The following FBXL17 variants were observed in gnomAD, a reference collection of about 807,000 sequenced individuals.
The protein encoded by FBXL17 is F-box/LRR-repeat protein 17.
FBXL17 carries 22 observed loss-of-function variants against 66.2 expected under a neutral mutation model. The observed-to-expected ratio is 0.33, with a 90% confidence interval of 0.24 to 0.47. FBXL17 has a LOEUF of 0.47. Among genes scored for constraint, FBXL17 ranks in the 20% least tolerant of loss-of-function variants. FBXL17 has a pLI of 1.00. For synonymous variants in FBXL17, 474 were observed against 400.5 expected (o/e 1.18, Z -2.19); for missense variants, 878 against 948.2 (o/e 0.93, Z 0.97).
Position 108,205,822 on chromosome 5 carries a change from C to T in FBXL17, c.1614+18299G>A, listed in dbSNP as rs115423020. On this transcript the variant is annotated intron_variant, in intron 5 of 8. Coordinates refer to ENST00000542267, the MANE Select transcript of FBXL17 (RefSeq NM_001163315.3). The stretch of plus-strand genomic sequence containing the variant: ...TCAGCTCACTGCAACTTCTGCCTCC[C>T]GGTCCCGGGTTTCAAGCAATTCTTG... Among the ~76,000 whole-genome samples, 1,046 of 152,174 alleles carry T rather than the reference C, an allele frequency of 6.9e-3. 4 individuals are homozygous for T. Among genetic ancestry groups the T allele is most frequent in the Non-Finnish European group, 0.01 (711 of 67,996 alleles).
chr5:108,098,980 A>T (rs1380722944), intron 6 of FBXL17, among the ~76,000 whole-genome samples: 3 of 152,196 alleles, frequency 2.0e-5, no homozygotes, highest in Non-Finnish European at 4.4e-5. Context: ...GCTATATTCA[A>T]GAAAATACTA....
At chr5:107,919,156 GACTA>G (rs1179283314) in intron 7 of FBXL17, among the ~76,000 whole-genome samples, 3 of 152,160 alleles carry the variant, frequency 2.0e-5, no homozygotes, top group Non-Finnish European at 4.4e-5. Flanking sequence ...GCAGGGTCCT[GACTA>G]ACTAAAGATT....
intron 6 of FBXL17, among the ~76,000 whole-genome samples, chr5:108,105,215 GA>G (rs1580447412): frequency 6.6e-6 from 1 of 152,202 alleles, no homozygotes; most frequent in African/African-American, 2.4e-5. Flanking sequence ...AATGAATGAA[GA>G]AAGAGAAGAG....
At chr5:108,334,638 T>G (rs1387570373) in intron 4 of FBXL17, among the ~76,000 whole-genome samples, 1 of 152,238 alleles carries the variant, frequency 6.6e-6, no homozygotes, top group Non-Finnish European at 1.5e-5. Context: ...GTATCTTTTA[T>G]TTTCGCTTCT....
chr5:107,868,318 G>T lies in FBXL17; in HGVS notation c.1966-6458C>A, dbSNP rs375239935. On this transcript the variant is annotated intron_variant, in intron 8 of 8. Transcript: ENST00000542267. The stretch of plus-strand genomic sequence containing the variant: ...TCGTTTTTTTACTGAACATAAAAGA[G>T]ATTGCAGTTTGCATATAAATACATT... Among the ~76,000 whole-genome samples the T allele has an allele frequency of 2.0e-5, 3 of 152,344 alleles. No homozygotes were observed. In the South Asian group the frequency reaches 6.2e-4, roughly 32 times the overall value.
At chr5:108,219,277 T>A (rs1754743836) in intron 5 of FBXL17, among the ~76,000 whole-genome samples, 2 of 137,622 alleles carry the variant, frequency 1.5e-5, no homozygotes, top group Non-Finnish European at 3.1e-5. Flanking sequence ...AGAAGCAATT[T>A]CTTTAAGAAA....
chr5:107,958,821 C>A (rs1310309990), intron 7 of FBXL17, among the ~76,000 whole-genome samples: 1 of 151,800 alleles, frequency 6.6e-6, no homozygotes, highest in Non-Finnish European at 1.5e-5. Context: ...GAATTACATT[C>A]GAAATTAAAT....
rs149009918 is a variant in FBXL17, at chr5:108,220,895, G to C, written c.1614+3226C>G. On this transcript the variant is annotated intron_variant, in intron 5 of 8. Transcript: ENST00000542267. ...CAATGAAAAGAACACACTTGTGTTA[G>C]AGTAGACCCAATTCTCCCACATACA... Among the ~76,000 whole-genome samples the C allele has an allele frequency of 6.3e-4, 96 of 152,300 alleles. 1 individual carries two copies. The East Asian group carries it at 0.017, about 27-fold the overall frequency.
At position 107,986,911 on chromosome 5, in the gene FBXL17, G is replaced by A. The variant is rs555343482; in HGVS notation, c.1822+34014C>T. ...GGAAGATAAATTTTGGGAAAACTAT[G>A]TTTATATGGTTGATCACTTTTTTTT... On this transcript the variant is annotated intron_variant, in intron 7 of 8. Coordinates refer to ENST00000542267, the MANE Select transcript of FBXL17 (RefSeq NM_001163315.3). Among the ~76,000 whole-genome samples, 45 of 152,030 alleles carry A rather than the reference G, an allele frequency of 3.0e-4. No individual in the cohort carries two copies. In the South Asian group the frequency reaches 9.3e-3, roughly 32 times the overall value.
intron 7 of FBXL17, among the ~76,000 whole-genome samples, chr5:107,910,623 T>G (rs1749919487): frequency 6.6e-6 from 1 of 152,122 alleles, no homozygotes; most frequent in Non-Finnish European, 1.5e-5. Context: ...GATCAGGATT[T>G]CCAAAGGATA....
At chr5:108,204,503 G>T (rs1358485103) in intron 5 of FBXL17, among the ~76,000 whole-genome samples, 1 of 152,072 alleles carries the variant, frequency 6.6e-6, no homozygotes, top group Non-Finnish European at 1.5e-5. Context: ...AGGTCTTCTT[G>T]ACTACTGATT....
intron 1 of FBXL17, among the ~76,000 whole-genome samples, chr5:108,378,897 ACAGCTCACTTCGTG>A (rs1028473752): frequency 3.9e-5 from 6 of 152,212 alleles, no homozygotes; most frequent in African/African-American, 1.4e-4. Flanking sequence ...CCCAGACAGT[ACAGCTCACTTCGTG>A]CTGAATACCA....
chr5:108,093,969 G>A (rs1000928399), intron 6 of FBXL17, among the ~76,000 whole-genome samples: 1 of 152,070 alleles, frequency 6.6e-6, no homozygotes, highest in East Asian at 1.9e-4. Context: ...AATTTTAGAC[G>A]TCTGTATTCA....
chr5:108,161,577 G>A (rs1752222413), intron 6 of FBXL17, among the ~76,000 whole-genome samples: 1 of 152,124 alleles, frequency 6.6e-6, no homozygotes, highest in African/African-American at 2.4e-5. Flanking sequence ...GATCTACACA[G>A]AGGTTAGACC....
At chr5:107,888,908 C>T (rs1749097149) in intron 7 of FBXL17, among the ~76,000 whole-genome samples, 1 of 152,156 alleles carries the variant, frequency 6.6e-6, no homozygotes, top group Admixed American at 6.5e-5. Flanking sequence ...ATTAAAAAAA[C>T]TGCTAAAGTG....
intron 7 of FBXL17, among the ~76,000 whole-genome samples, chr5:107,962,693 T>C (rs866040772): frequency 6.6e-6 from 1 of 152,016 alleles, no homozygotes; most frequent in African/African-American, 2.4e-5. Flanking sequence ...TTTTTTTTAA[T>C]GAACAAATCT....
rs149018862 is a variant in FBXL17, at chr5:108,120,142, T to A, written c.1745+65975A>T. 5.8e-3 allele frequency among the ~76,000 whole-genome samples: 883 copies of A among 152,304 alleles called. 12 individuals carry two copies. Among genetic ancestry groups the A allele is most frequent in the African/African-American group, 0.02 (816 of 41,568 alleles). The stretch of plus-strand genomic sequence containing the variant: ...TGACTTAGAGGAAAACAAACTCTCG[T>A]GGGGAAGGGGAAATGCAAAACATTC... On this transcript the variant is annotated intron_variant, in intron 6 of 8. Coordinates refer to ENST00000542267, the MANE Select transcript of FBXL17 (RefSeq NM_001163315.3).
intron 6 of FBXL17, among the ~76,000 whole-genome samples, chr5:108,073,727 C>G (rs542241583): frequency 3.9e-4 from 60 of 152,174 alleles, no homozygotes; most frequent in African/African-American, 1.4e-3. Flanking sequence ...AATAAATAAG[C>G]AAGAGTTCAC....
At chr5:108,154,673 G>A (rs1277081844) in intron 6 of FBXL17, among the ~76,000 whole-genome samples, 17 of 134,246 alleles carry the variant, frequency 1.3e-4, no homozygotes, top group Non-Finnish European at 2.4e-4. Flanking sequence ...ATATATATGT[G>A]TATATATATA....
Sources: allele counts gnomAD v4.1 joint callset (sites outside exome capture counted in the v4.1 genomes callset), GRCh38; gene constraint gnomAD v4.1.1; transcripts MANE v1.5; gene names NCBI Gene and HGNC (gene_info 2026-07-23, HGNC 2026-07-21).